The following DLEC1 variants were observed in gnomAD, a reference collection of about 807,000 sequenced individuals.
The protein encoded by DLEC1 is DLEC1 cilia and flagella associated protein, also known as deleted in lung and esophageal cancer protein 1.
A neutral mutation model predicts 198.1 loss-of-function variants in DLEC1; 146 were observed. The observed-to-expected ratio is 0.74, with a 90% CI of 0.64 to 0.85. DLEC1 has a LOEUF of 0.85. Ranked by LOEUF, DLEC1 falls within the 40% of genes least tolerant of loss-of-function variation. The pLI, the probability that DLEC1 is intolerant of heterozygous loss-of-function variation, is 0.00. For synonymous variants in DLEC1, 897 were observed against 866.8 expected (o/e 1.03, Z -0.61); for missense variants, 2,233 against 2,220.0 (o/e 1.01, Z -0.12).
intron 2 of DLEC1, among the ~76,000 whole-genome samples, chr3:38,050,928 G>GTC (rs1284033851): frequency 2.7e-5 from 4 of 148,946 alleles, no homozygotes; most frequent in South Asian, 2.1e-4. Context: ...AAGGCACCAT[G>GTC]TCTCTCTCTC....
intron 6 of DLEC1, among the ~76,000 whole-genome samples, chr3:38,068,024 G>T (rs1276270120): frequency 6.6e-6 from 1 of 152,134 alleles, no homozygotes; most frequent in African/African-American, 2.4e-5. Flanking sequence ...AAAGTCCTGG[G>T]ATTACAGGCG....
At chr3:38,081,234 A>C (rs1305298314) in intron 6 of DLEC1, among the ~76,000 whole-genome samples, 29 of 138,052 alleles carry the variant, frequency 2.1e-4, no homozygotes, top group Non-Finnish European at 4.1e-4. Flanking sequence ...CAGACACGGC[A>C]ACCATCCGAT....
Position 38,092,232 on chromosome 3 carries a change from C to T in DLEC1, c.1666-558C>T, listed in dbSNP as rs954669858. Among the ~76,000 whole-genome samples the T allele has an allele frequency of 2.6e-5, 4 of 152,284 alleles. No homozygotes were observed. In the South Asian group the frequency reaches 8.3e-4, roughly 32 times the overall value. Reference sequence around the variant, plus strand: ...TAACAGCCCTGCAAAAGAAGGAAATCCTGTCGTTTGCGACAACATGGATAA... The same window carrying T: ...TAACAGCCCTGCAAAAGAAGGAAATTCTGTCGTTTGCGACAACATGGATAA... On this transcript the variant is annotated intron_variant, in intron 10 of 36. Transcript: ENST00000308059.
chr3:38,073,603 C>T (rs1196530943), intron 6 of DLEC1, among the ~76,000 whole-genome samples: 1 of 152,058 alleles, frequency 6.6e-6, no homozygotes, highest in Non-Finnish European at 1.5e-5. Flanking sequence ...GTCAGGGAAG[C>T]AGATAATTTG....
rs562776518 is a variant in DLEC1 at position 38,039,266 on chromosome 3, C to G, written c.41C>G (p.Ser14Cys). The G allele has an allele frequency of 1.9e-6, 3 of 1,613,642 alleles. No individual in the cohort carries two copies. Among genetic ancestry groups the G allele is most frequent in the Admixed American group, 3.3e-5 (2 of 59,968 alleles). ...TCCAAAACGCGGAGGTCTTTAGCGT[C>G]CCGGACCAACGAGTGCCAGGGGACA... Reference protein sequence around the residue: ...RSSKTRRSLASRTNECQGTMW... With the variant: ...RSSKTRRSLACRTNECQGTMW... The change falls in exon 1 of 37, where the codon TCC (serine) becomes TGC (cysteine). Residue 14 changes from serine to cysteine, a missense_variant. Physicochemically the swap from Ser to Cys is moderately radical, Grantham distance 112. Coordinates refer to ENST00000308059, the MANE Select transcript of DLEC1 (RefSeq NM_007335.4).
intron 1 of DLEC1, among the ~76,000 whole-genome samples, chr3:38,042,565 T>C (rs2125569630): frequency 6.8e-6 from 1 of 147,574 alleles, no homozygotes; most frequent in Admixed American, 6.7e-5. Flanking sequence ...TTTTTTTTTT[T>C]TTTTTTTTGA....
At position 38,121,685 on chromosome 3, in the gene DLEC1, G is replaced by A; in HGVS notation, c.4924G>A (p.Val1642Met). 1.2e-6 allele frequency: 2 copies of A among 1,614,102 alleles called. No individual in the cohort carries two copies. Among genetic ancestry groups the A allele is most frequent in the Non-Finnish European group, 1.7e-6 (2 of 1,179,986 alleles). Reference protein sequence around the residue: ...VPELQLSTSWVDFGTCFVSQQ... With the variant: ...VPELQLSTSWMDFGTCFVSQQ... The stretch of plus-strand genomic sequence containing the variant: ...TGAGCTGCAGCTCTCCACCAGCTGG[G>A]TGGACTTTGGGACCTGCTTTGTGAG... Residue 1642 changes from valine (V) to methionine (M), a missense_variant, in exon 35 of 37, where the codon GTG becomes ATG. By Grantham distance (21) the Val-to-Met change is conservative. Coordinates refer to ENST00000308059, the MANE Select transcript of DLEC1 (RefSeq NM_007335.4).
chr3:38,111,559 G>A, intron 23 of DLEC1, 118 bp from the exon 24 acceptor site: 1 of 1,028,946 alleles, frequency 9.7e-7, no homozygotes, highest in Non-Finnish European at 1.4e-6. Flanking sequence ...GGAAGAGCAG[G>A]CAGGGCCACC....
At chr3:38,088,457 G>A in intron 10 of DLEC1, 69 bp downstream of exon 10, 1 of 1,466,490 alleles carries the variant, frequency 6.8e-7, no homozygotes, top group Non-Finnish European at 9.5e-7. Context: ...CTGTTTTCAT[G>A]ACTCAAGTGT....
At chr3:38,081,775 C>T (rs1361956705) in intron 6 of DLEC1, among the ~76,000 whole-genome samples, 71 of 99,916 alleles carry the variant, frequency 7.1e-4, no homozygotes, top group East Asian at 1.2e-3. Context: ...CCGGACGGGG[C>T]GGCTGGCCGG....
At chr3:38,065,220 C>A (rs937748497) in intron 6 of DLEC1, among the ~76,000 whole-genome samples, 1 of 152,250 alleles carries the variant, frequency 6.6e-6, no homozygotes, top group Non-Finnish European at 1.5e-5. Context: ...CGCCTGCAAT[C>A]GCAGGCACTC....
intron 6 of DLEC1, among the ~76,000 whole-genome samples, chr3:38,073,510 G>A (rs1430861850): frequency 2.0e-5 from 3 of 152,122 alleles, no homozygotes; most frequent in Non-Finnish European, 4.4e-5. Context: ...ATACTTGTGG[G>A]TTAAGGTGGG....
intron 22 of DLEC1, 159 bp downstream of exon 22, chr3:38,109,721 G>A: frequency 3.2e-6 from 4 of 1,249,114 alleles, no homozygotes; most frequent in Non-Finnish European, 4.4e-6. Flanking sequence ...CACTCCTGTG[G>A]GGACAGCTCC....
rs760889490 is a variant in DLEC1, at chr3:38,111,753, C to T, written c.3514+6C>T. Reference sequence around the variant, plus strand: ...GGCCAAGCGAGAGCAGCTGGGTAAGCGCCACCAGGGTGGGGCTTCGGGGCC... The same window carrying T: ...GGCCAAGCGAGAGCAGCTGGGTAAGTGCCACCAGGGTGGGGCTTCGGGGCC... On this transcript the variant is annotated splice_donor_region_variant and intron_variant, in intron 24 of 36. Transcript: ENST00000308059. 15 of 1,610,014 alleles carry T rather than the reference C, an allele frequency of 9.3e-6. No homozygotes were observed. Among genetic ancestry groups the T allele is most frequent in the African/African-American group, 1.3e-5 (1 of 74,892 alleles).
intron 34 of DLEC1, 40 bp from the exon 35 acceptor site, chr3:38,121,588 A>T (rs1663965715): frequency 6.3e-7 from 1 of 1,595,566 alleles, no homozygotes; most frequent in Non-Finnish European, 8.5e-7. Flanking sequence ...CCTGGCTCAG[A>T]GCCCACCCAG....
chr3:38,062,457 T>A (rs1696741740), intron 4 of DLEC1, 89 bp downstream of exon 4: 6 of 1,586,964 alleles, frequency 3.8e-6, no homozygotes, highest in South Asian at 2.2e-5. Context: ...GAAGCTGTGA[T>A]GAATCCATCG....
At chr3:38,056,105 ACACACACAC>A (rs1559400222) in intron 2 of DLEC1, among the ~76,000 whole-genome samples, 23 of 140,404 alleles carry the variant, frequency 1.6e-4, no homozygotes, top group Admixed American at 6.2e-4. Context: ...ACACACACAC[ACACACACAC>A]ACAAATAGCT....
intron 10 of DLEC1, among the ~76,000 whole-genome samples, chr3:38,091,397 G>A (rs1698739067): frequency 6.6e-6 from 1 of 152,182 alleles, no homozygotes; most frequent in Non-Finnish European, 1.5e-5. Flanking sequence ...TCAGGTGTTA[G>A]AGGCTGCAGT....
chr3:38,067,165 A>G (rs1052328150), intron 6 of DLEC1, among the ~76,000 whole-genome samples: 1 of 152,196 alleles, frequency 6.6e-6, no homozygotes, highest in Non-Finnish European at 1.5e-5. Context: ...TCTAATTCTC[A>G]TCCCTTTGAT....
Sources: allele counts gnomAD v4.1 joint callset (sites outside exome capture counted in the v4.1 genomes callset), GRCh38; gene constraint gnomAD v4.1.1; transcripts MANE v1.5; gene names NCBI Gene and HGNC (gene_info 2026-07-23, HGNC 2026-07-21).